The following FAM117A variants were observed in gnomAD, a reference collection of about 807,000 sequenced individuals.
FAM117A encodes the protein protein FAM117A.
A neutral mutation model predicts 44.1 loss-of-function variants in FAM117A; 21 were observed. That is an observed-to-expected ratio of 0.48 (90% CI 0.34 to 0.69). FAM117A has a LOEUF of 0.69. Ranked by LOEUF, FAM117A falls within the 30% of genes least tolerant of loss-of-function variation. FAM117A has a pLI of 0.01. For synonymous variants in FAM117A, 220 were observed against 238.3 expected, an observed-to-expected ratio of 0.92 and a Z score of 0.71; for missense variants, 498 against 589.9, an observed-to-expected ratio of 0.84 and a Z score of 1.61.
At chr17:49,769,124 C>T (rs2073753398), upstream of FAM117A, among the ~76,000 whole-genome samples, 2 of 151,894 alleles carry the variant, frequency 1.3e-5, no homozygotes, top group Admixed American at 6.6e-5. Context: ...GGTGAAACCC[C>T]GTCTCTACTA....
upstream of FAM117A, among the ~76,000 whole-genome samples, chr17:49,766,995 T>C (rs1188474380): frequency 6.6e-6 from 1 of 152,186 alleles, no homozygotes. Context: ...ATGGATCTTC[T>C]GAGTCCAGAA....
chr17:49,783,798 CTAGCAT>C (rs1004039981), intron 1 of FAM117A, among the ~76,000 whole-genome samples: 3 of 152,218 alleles, frequency 2.0e-5, no homozygotes, highest in Non-Finnish European at 4.4e-5. Context: ...CCTGGCTACA[CTAGCAT>C]TGTCTTTAAA....
intron 1 of FAM117A, among the ~76,000 whole-genome samples, chr17:49,782,088 T>C (rs2073791154): frequency 6.6e-6 from 1 of 151,940 alleles, no homozygotes; most frequent in Non-Finnish European, 1.5e-5. Context: ...AAAATAAAAA[T>C]AGTTGGGTCA....
intron 1 of FAM117A, among the ~76,000 whole-genome samples, chr17:49,753,456 T>C (rs867253920): frequency 6.6e-6 from 1 of 152,332 alleles, no homozygotes; most frequent in Middle Eastern, 3.4e-3. Context: ...GTTGTGAAGA[T>C]GCACGAAAAC....
At chr17:49,743,636 G>T (rs894593297) in intron 1 of FAM117A, among the ~76,000 whole-genome samples, 1 of 152,144 alleles carries the variant, frequency 6.6e-6, no homozygotes, top group Non-Finnish European at 1.5e-5. Flanking sequence ...GGCTGAGGCA[G>T]GAGAATGGCA....
chr17:49,729,032 G>A (rs1031436065), intron 2 of FAM117A, among the ~76,000 whole-genome samples: 1 of 152,210 alleles, frequency 6.6e-6, no homozygotes, highest in Non-Finnish European at 1.5e-5. Flanking sequence ...AAAACACAAC[G>A]AGGAAGGAGA....
In FAM117A at chr17:49,756,173, C is replaced by T. The variant is rs545367463; in HGVS notation, c.196+7719G>A. On this transcript the variant is annotated intron_variant, in intron 1 of 7. Transcript: ENST00000240364. ...CCTTAGGGAGAATAATATATTGACA[C>T]TTTTTTTTTAAAGCCTATTCAAAAC... Among the ~76,000 whole-genome samples the T allele has an allele frequency of 4.6e-5, 7 of 151,648 alleles. No homozygotes were observed. The South Asian group carries it at 1.5e-3, about 32-fold the overall frequency.
upstream of FAM117A, among the ~76,000 whole-genome samples, chr17:49,768,000 A>G (rs374237473): frequency 1.3e-5 from 2 of 152,322 alleles, no homozygotes; most frequent in African/African-American, 4.8e-5. Context: ...TGGGTTTCCA[A>G]CAGCAAATGC....
chr17:49,764,171 G>A (rs77344569), upstream of FAM117A: 1,346 of 705,240 alleles, frequency 1.9e-3, 3 homozygotes, highest in Non-Finnish European at 2.5e-3. Flanking sequence ...TCTGCTGTAC[G>A]GGGCGGGGAC....
intron 1 of FAM117A, among the ~76,000 whole-genome samples, chr17:49,777,984 G>C (rs1273718792): frequency 6.6e-6 from 1 of 152,174 alleles, no homozygotes; most frequent in African/African-American, 2.4e-5. Flanking sequence ...CTTAGAATTT[G>C]GTCCTTCCTG....
At chr17:49,766,619 A>G (rs1050140447), upstream of FAM117A, among the ~76,000 whole-genome samples, 2 of 152,218 alleles carry the variant, frequency 1.3e-5, no homozygotes, top group Admixed American at 6.5e-5. Context: ...TTGTCTGACA[A>G]CTTATACTGT....
chr17:49,746,040 C>T (rs1245177315), intron 1 of FAM117A, among the ~76,000 whole-genome samples: 1 of 152,098 alleles, frequency 6.6e-6, no homozygotes, highest in East Asian at 1.9e-4. Context: ...TGTTTTTATT[C>T]TCAGGAGATG....
chr17:49,768,124 T>A (rs1034342337), upstream of FAM117A, among the ~76,000 whole-genome samples: 1 of 152,166 alleles, frequency 6.6e-6, no homozygotes, highest in Admixed American at 6.5e-5. Flanking sequence ...CCCCAAGCAG[T>A]CCCTATGAGG....
intron 1 of FAM117A, among the ~76,000 whole-genome samples, chr17:49,756,993 A>C (rs184313492): frequency 7.9e-5 from 12 of 151,866 alleles, no homozygotes; most frequent in African/African-American, 2.4e-4. Flanking sequence ...AATACCATCC[A>C]TCCTCTAAGA....
At chr17:49,748,459 C>T (rs2073662331) in intron 1 of FAM117A, among the ~76,000 whole-genome samples, 1 of 152,152 alleles carries the variant, frequency 6.6e-6, no homozygotes, top group Admixed American at 6.5e-5. Context: ...CTACCGGAAA[C>T]TTACGTTAGA....
chr17:49,755,187 C>T (rs1284862972), intron 1 of FAM117A, among the ~76,000 whole-genome samples: 5 of 152,202 alleles, frequency 3.3e-5, no homozygotes, highest in Admixed American at 2.6e-4. Context: ...TCTTGCACTT[C>T]CCTATCTGGT....
At chr17:49,752,637 C>T (rs910049656) in intron 1 of FAM117A, among the ~76,000 whole-genome samples, 5 of 152,152 alleles carry the variant, frequency 3.3e-5, no homozygotes, top group Admixed American at 2.0e-4. Context: ...ATCTGGTCTG[C>T]CTCCTATGTC....
intron 1 of FAM117A, among the ~76,000 whole-genome samples, chr17:49,772,162 G>A (rs535967783): frequency 5.9e-5 from 9 of 151,990 alleles, no homozygotes; most frequent in Admixed American, 2.6e-4. Context: ...GTATGGTGGG[G>A]CATACCTGTA....
chr17:49,732,274 A>T, intron 2 of FAM117A: 1 of 264,638 alleles, frequency 3.8e-6, no homozygotes, highest in Non-Finnish European at 7.4e-6. Context: ...GCGTGGTAGC[A>T]GGCACCTGTA....
Sources: gnomAD v4.1 joint callset for allele counts (sites outside exome capture counted in the v4.1 genomes callset) on GRCh38, gnomAD v4.1.1 for gene constraint, MANE v1.5 for transcripts, NCBI Gene and HGNC (gene_info 2026-07-23, HGNC 2026-07-21) for gene names.